The following CHIA variants were observed in gnomAD, a reference collection of about 807,000 sequenced individuals.
CHIA encodes the protein chitinase acidic.
A neutral mutation model predicts 53.5 loss-of-function variants in CHIA; 47 were observed. The observed-to-expected ratio is 0.88, with a 90% confidence interval of 0.70 to 1.12. CHIA has a LOEUF of 1.12. CHIA is among the 50% of genes most tolerant of loss of function. The pLI is 0.00. For missense variants in CHIA, 652 were observed against 592.2 expected, an observed-to-expected ratio of 1.10 and a Z score of -1.05; for synonymous variants, 268 against 222.2, an observed-to-expected ratio of 1.21 and a Z score of -1.83.
intron 1 of CHIA, among the ~76,000 whole-genome samples, chr1:111,291,152 C>T (rs755898392): frequency 3.3e-5 from 5 of 152,170 alleles, no homozygotes; most frequent in African/African-American, 4.8e-5. Flanking sequence ...ACATCTCTCA[C>T]ACAGATCATT....
intron 1 of CHIA, among the ~76,000 whole-genome samples, chr1:111,306,972 G>C (rs780689646): frequency 6.6e-6 from 1 of 152,210 alleles, no homozygotes; most frequent in Non-Finnish European, 1.5e-5. Context: ...AAGATGTGGA[G>C]TGATAGGAAT....
chr1:111,308,331 G>A, intron 1 of CHIA, among the ~76,000 whole-genome samples: 1 of 152,188 alleles, frequency 6.6e-6, no homozygotes, highest in Non-Finnish European at 1.5e-5. Flanking sequence ...CCTTGACTTT[G>A]ATTTGACATT....
intron 1 of CHIA, among the ~76,000 whole-genome samples, chr1:111,305,632 C>T (rs973100789): frequency 1.3e-5 from 2 of 152,162 alleles, no homozygotes; most frequent in African/African-American, 4.8e-5. Context: ...AAGTTGCAAG[C>T]CTTTAATAGA....
At chr1:111,312,425 C>T (rs1479414064) in intron 4 of CHIA, 34 bp downstream of exon 4, 2 of 1,513,774 alleles carry the variant, frequency 1.3e-6, no homozygotes, top group Admixed American at 3.3e-5. Flanking sequence ...TTGGCATCCC[C>T]TTTTTCAGTA....
chr1:111,305,889 G>T (rs1025995150), intron 1 of CHIA, among the ~76,000 whole-genome samples: 4 of 152,332 alleles, frequency 2.6e-5, no homozygotes, highest in African/African-American at 9.6e-5. Context: ...ATCATGTTTA[G>T]TGATATTGCT....
At position 111,297,353 on chromosome 1, in the gene CHIA, C is replaced by G. The variant is rs182929686; in HGVS notation, c.-69+6403C>G. Among the ~76,000 whole-genome samples the G allele has an allele frequency of 2.4e-3, 365 of 152,314 alleles. 2 individuals are homozygous for G. The highest frequency in any genetic ancestry group is 8.3e-3 in the African/African-American group (343 of 41,564). On this transcript the variant is annotated intron_variant, in intron 1 of 11. Transcript: ENST00000369740. ...AGGTCGGGTTACCCACAAAGGAAAA[C>G]CCATTGGACTAACAGCGGATCTCTC...
At chr1:111,314,409 T>C (rs1648972085) in intron 4 of CHIA, 131 bp from the exon 5 acceptor site, 1 of 596,990 alleles carries the variant, frequency 1.7e-6, no homozygotes, top group Non-Finnish European at 3.0e-6. Context: ...AAGTTTTCAG[T>C]AGGGGAGGAA....
At chr1:111,316,078 G>C (rs1649136396) in intron 6 of CHIA, 2 of 286,268 alleles carry the variant, frequency 7.0e-6, no homozygotes, top group African/African-American at 2.2e-5. Context: ...GGATCAGAAA[G>C]TGTTTCCTAG....
intron 1 of CHIA, among the ~76,000 whole-genome samples, chr1:111,301,618 C>G (rs1377632843): frequency 6.7e-6 from 1 of 148,344 alleles, no homozygotes; most frequent in Admixed American, 7.0e-5. Flanking sequence ...CAGGGAATGG[C>G]ATGAACCTGG....
chr1:111,297,760 A>G (rs1437992187), intron 1 of CHIA, among the ~76,000 whole-genome samples: 1 of 152,164 alleles, frequency 6.6e-6, no homozygotes, highest in African/African-American at 2.4e-5. Context: ...AACTGCCCCA[A>G]TTAAAAGACA....
chr1:111,308,935 C>G (rs1243257319), intron 1 of CHIA, among the ~76,000 whole-genome samples: 1 of 152,190 alleles, frequency 6.6e-6, no homozygotes, highest in East Asian at 1.9e-4. Flanking sequence ...AATACAGTCT[C>G]TGGCACATAG....
At chr1:111,305,353 G>A (rs1381764449) in intron 1 of CHIA, among the ~76,000 whole-genome samples, 1 of 152,154 alleles carries the variant, frequency 6.6e-6, no homozygotes, top group Admixed American at 6.6e-5. Context: ...AATGGGGGGA[G>A]GTGCAAGAAC....
chr1:111,293,176 C>T (rs1370436818), intron 1 of CHIA, among the ~76,000 whole-genome samples: 5 of 152,114 alleles, frequency 3.3e-5, no homozygotes, highest in Admixed American at 3.3e-4. Flanking sequence ...TCCATAGCAG[C>T]TGTACCGTTT....
In CHIA at chr1:111,317,797, A is replaced by G. The variant is rs898539706; in HGVS notation, c.597A>G (p.Gln199=). 5.0e-6 allele frequency: 8 copies of G among 1,613,604 alleles called. No homozygotes were observed. The highest frequency in any genetic ancestry group is 2.7e-5 in the African/African-American group (2 of 75,026). The change falls in exon 7 of 12, where the codon CAA becomes CAG. Residue 199 remains glutamine, a synonymous_variant. Coordinates refer to ENST00000369740, the MANE Select transcript of CHIA (RefSeq NM_201653.4). ...SNIQSGYEIP[Q]LSQYLDYIHV... ...TCCAGTCTGGCTATGAGATCCCCCA[A>G]CTGTCACAGTGAGTGATGTGCCTTA...
chr1:111,317,908 T>A, intron 7 of CHIA, 78 bp from the exon 8 acceptor site: 1 of 1,611,046 alleles, frequency 6.2e-7, no homozygotes, highest in South Asian at 1.1e-5. Flanking sequence ...TTAGGAGACT[T>A]TAGAAGTGGT....
chr1:111,309,803 G>A (rs182228954), intron 1 of CHIA, among the ~76,000 whole-genome samples: 307 of 152,244 alleles, frequency 2.0e-3, no homozygotes, highest in African/African-American at 6.3e-3. Flanking sequence ...CATTAGCAAC[G>A]CAGTTTTTAG....
chr1:111,314,543 C>T lies in CHIA; in HGVS notation c.261C>T (p.Asn87=), dbSNP rs368828123. The change falls in exon 5 of 12, where the codon AAC becomes AAT. Residue 87 remains asparagine (N), a synonymous_variant. Transcript: ENST00000369740. ...YQAFNGLKNK[N]SQLKTLLAIG... ...GTTTCTATCCTTTGTTTTACAGGAA[C>T]AGCCAGCTGAAAACTCTCCTGGCCA... 10 of 1,609,084 alleles carry T rather than the reference C, an allele frequency of 6.2e-6. No individual in the cohort carries two copies. Among genetic ancestry groups the T allele is most frequent in the African/African-American group, 1.3e-5 (1 of 74,798 alleles).
chr1:111,303,896 T>A (rs1647969163), intron 1 of CHIA, among the ~76,000 whole-genome samples: 1 of 152,194 alleles, frequency 6.6e-6, no homozygotes, highest in Non-Finnish European at 1.5e-5. Flanking sequence ...CCTATAGGAC[T>A]CCCTTGAGTA....
chr1:111,316,061 T>G (rs750258070), intron 6 of CHIA: 6 of 302,762 alleles, frequency 2.0e-5, no homozygotes, highest in Non-Finnish European at 3.9e-5. Context: ...AATTCTGCTC[T>G]GGGGCAGGAT....
Sources: gnomAD v4.1 joint callset for allele counts (sites outside exome capture counted in the v4.1 genomes callset) on GRCh38, gnomAD v4.1.1 for gene constraint, MANE v1.5 for transcripts, NCBI Gene and HGNC (gene_info 2026-07-23, HGNC 2026-07-21) for gene names.